The following INVS variants were observed in gnomAD, a reference collection of about 807,000 sequenced individuals.
INVS encodes the protein inversin.
In INVS, 86 loss-of-function variants were observed where a neutral mutation model predicts 108.8. The observed-to-expected ratio is 0.79, with a 90% CI of 0.66 to 0.95. The LOEUF (loss-of-function observed/expected upper bound fraction) is 0.95. Among genes scored for constraint, INVS ranks in the 40% least tolerant of loss-of-function variants. The pLI is 0.00. For missense variants in INVS, 1,169 were observed against 1,297.4 expected, an observed-to-expected ratio of 0.90 and a Z score of 1.52; for synonymous variants, 455 against 473.5, an observed-to-expected ratio of 0.96 and a Z score of 0.51.
chr9:100,154,331 ATTTTTTTTTTTTTT>A (rs780090630), intron 3 of INVS, among the ~76,000 whole-genome samples: 1 of 68,580 alleles, frequency 1.5e-5, no homozygotes, highest in Non-Finnish European at 2.5e-5. Context: ...CAACCGACTA[ATTTTTTTTTTTTTT>A]TTTTTTTTTT....
intron 3 of INVS, among the ~76,000 whole-genome samples, chr9:100,129,090 C>G (rs944423967): frequency 6.6e-6 from 1 of 151,250 alleles, no homozygotes; most frequent in East Asian, 1.9e-4. Context: ...GAGGCTGAGG[C>G]GGAAGGATTG....
chr9:100,166,554 C>T (rs1829370975), intron 3 of INVS, among the ~76,000 whole-genome samples: 1 of 152,152 alleles, frequency 6.6e-6, no homozygotes, highest in Non-Finnish European at 1.5e-5. Context: ...TCCCTTGCTG[C>T]AAGGCGTAGC....
chr9:100,134,584 C>T (rs932035101), intron 3 of INVS, among the ~76,000 whole-genome samples: 17 of 152,158 alleles, frequency 1.1e-4, no homozygotes, highest in African/African-American at 3.4e-4. Context: ...GTTCCCTGAA[C>T]GCCCCATCCA....
intron 3 of INVS, among the ~76,000 whole-genome samples, chr9:100,196,826 CTA>C (rs1237347910): frequency 1.3e-5 from 2 of 151,926 alleles, no homozygotes; most frequent in African/African-American, 4.8e-5. Flanking sequence ...ACAAGTTTTG[CTA>C]TGTTGCATTT....
intron 14 of INVS, among the ~76,000 whole-genome samples, chr9:100,295,536 CA>C (rs1406764728): frequency 1.6e-4 from 24 of 151,992 alleles, no homozygotes; most frequent in African/African-American, 5.6e-4. Flanking sequence ...AGGGCTGGGG[CA>C]GGGGTCAGGG....
chr9:100,160,939 A>C lies in INVS; in HGVS notation c.273+34390A>C, dbSNP rs528121413. On this transcript the variant is annotated intron_variant, in intron 3 of 16. Coordinates refer to ENST00000262457, the MANE Select transcript of INVS (RefSeq NM_014425.5). ...CACTACACTCCAGCCTGGGTGACAG[A>C]GTGAGACTCTGTCTCAAAAAAAAAA... 4.0e-3 allele frequency among the ~76,000 whole-genome samples: 467 copies of C among 116,272 alleles called. 3 individuals are homozygous for C. The highest frequency in any genetic ancestry group is 0.014 in the African/African-American group (424 of 29,424). 76.3% of individuals were successfully genotyped at this position (116,272 alleles called of 152,430 possible). A position where few individuals can be genotyped will look rare whatever the true frequency, so the allele number is the denominator to read the frequency against.
In INVS at chr9:100,281,732, C is replaced by A. The variant is rs976383118; in HGVS notation, c.1785-2588C>A. On this transcript the variant is annotated intron_variant, in intron 12 of 16. Coordinates refer to ENST00000262457, the MANE Select transcript of INVS (RefSeq NM_014425.5). ...ACGTAGTTCTACCAAAATGAAAAAT[C>A]ACCCCCCTGGTATCCCCCCTCCAAA... Among the ~76,000 whole-genome samples the A allele has an allele frequency of 4.8e-4, 69 of 142,748 alleles. 1 individual carries two copies. The highest frequency in any genetic ancestry group is 1.7e-3 in the African/African-American group (67 of 39,504). 93.6% of individuals were successfully genotyped at this position (142,748 alleles called of 152,430 possible).
chr9:100,266,028 C>T lies in INVS; in HGVS notation c.1571+1100C>T, dbSNP rs1028855962. Among the ~76,000 whole-genome samples the T allele has an allele frequency of 5.9e-5, 9 of 151,978 alleles. No individual in the cohort carries two copies. The South Asian group carries it at 1.7e-3, about 28-fold the overall frequency. ...CAGGAGGCGGAGGTTGCAGTGAGCC[C>T]GAGATCATGCCACTGCACTCCAGCC... On this transcript the variant is annotated intron_variant, in intron 11 of 16. Transcript: ENST00000262457.
chr9:100,159,086 C>A (rs1588048542), intron 3 of INVS, among the ~76,000 whole-genome samples: 1 of 152,120 alleles, frequency 6.6e-6, no homozygotes. Flanking sequence ...GCCAAATAAA[C>A]CTGTTTTTTA....
intron 3 of INVS, among the ~76,000 whole-genome samples, chr9:100,133,718 T>C (rs1015793592): frequency 1.4e-5 from 2 of 146,630 alleles, no homozygotes; most frequent in Non-Finnish European, 3.0e-5. Flanking sequence ...AGAATGTATA[T>C]TGGTACATTC....
chr9:100,175,962 A>T, intron 3 of INVS: 1 of 565,282 alleles, frequency 1.8e-6, no homozygotes. Context: ...GAAAGCTACA[A>T]TGGAATACAG....
chr9:100,122,615 G>A (rs1327430262), intron 2 of INVS, among the ~76,000 whole-genome samples: 4 of 106,102 alleles, frequency 3.8e-5, no homozygotes, highest in East Asian at 3.2e-4. Context: ...ACAGAGTCTC[G>A]CTCTGTTGCC....
intron 8 of INVS, among the ~76,000 whole-genome samples, chr9:100,251,589 G>A (rs934544489): frequency 6.6e-6 from 1 of 152,084 alleles, no homozygotes. Context: ...TTGAGATGAG[G>A]TCTTTCTATT....
intron 3 of INVS, 50 bp from the exon 4 acceptor site, chr9:100,226,012 T>G (rs775953086): frequency 9.5e-6 from 13 of 1,372,122 alleles, no homozygotes; most frequent in Admixed American, 8.2e-5. Context: ...TAAAAAAAAT[T>G]TTGACCCCAT....
rs200846946 is a variant in INVS, at chr9:100,116,107, CTT to C, written c.107-10263_107-10262del. 9.5e-3 allele frequency among the ~76,000 whole-genome samples: 1,217 copies of C among 128,684 alleles called. 14 individuals are homozygous for C. The highest frequency in any genetic ancestry group is 0.025 in the African/African-American group (815 of 33,196). The allele number at this position is 128,684 out of a possible 152,430, so 84.4% of individuals were successfully genotyped here. A position where few individuals can be genotyped will look rare whatever the true frequency, so the allele number is the denominator to read the frequency against. On this transcript the variant is annotated intron_variant, in intron 2 of 16. Transcript: ENST00000262457. Reference sequence around the variant, plus strand: ...TTAATTTCTTTTCTTTCTTTTTTTTCTTTTTTTTTTTTTTGAGACAGGGTCAT... The same window carrying C: ...TTAATTTCTTTTCTTTCTTTTTTTTCTTTTTTTTTTTTGAGACAGGGTCAT...
chr9:100,190,401 C>T (rs78427056), intron 3 of INVS, among the ~76,000 whole-genome samples: 1 of 152,118 alleles, frequency 6.6e-6, no homozygotes, highest in Non-Finnish European at 1.5e-5. Flanking sequence ...CTATTTCAGT[C>T]ATCATTGTTG....
At chr9:100,119,167 A>C (rs2118871407) in intron 2 of INVS, among the ~76,000 whole-genome samples, 1 of 152,200 alleles carries the variant, frequency 6.6e-6, no homozygotes, top group South Asian at 2.1e-4. Flanking sequence ...GAGTTCTTCA[A>C]CTTTGTTCTT....
At chr9:100,259,756 G>T (rs1424066757) in intron 10 of INVS, among the ~76,000 whole-genome samples, 2 of 151,916 alleles carry the variant, frequency 1.3e-5, no homozygotes, top group African/African-American at 4.8e-5. Context: ...CGTCACATTG[G>T]CCAGGCTGGT....
intron 13 of INVS, among the ~76,000 whole-genome samples, chr9:100,286,687 C>T (rs1256023321): frequency 6.6e-6 from 1 of 152,168 alleles, no homozygotes; most frequent in Non-Finnish European, 1.5e-5. Flanking sequence ...TAATTAAGCT[C>T]CCATAATGTG....
Sources: allele counts gnomAD v4.1 joint callset (sites outside exome capture counted in the v4.1 genomes callset), GRCh38; gene constraint gnomAD v4.1.1; transcripts MANE v1.5; gene names NCBI Gene and HGNC (gene_info 2026-07-23, HGNC 2026-07-21).